SPAG17: variants seen among roughly 807,000 people sequenced by gnomAD.
SPAG17 encodes sperm associated antigen 17, also known as sperm-associated antigen 17.
A neutral mutation model predicts 273.6 loss-of-function variants in SPAG17; 169 were observed. The ratio of observed to expected loss-of-function variants is 0.62; its 90% CI spans 0.55 to 0.70. The LOEUF is 0.70. SPAG17 is among the 30% of genes least tolerant of loss of function. The probability of loss-of-function intolerance (pLI) is 0.00; values close to 1 mark genes in which losing one functional copy is unlikely to be tolerated. For synonymous variants in SPAG17, 825 were observed against 873.2 expected (o/e 0.94, Z 0.97); for missense variants, 2,557 against 2,627.8 (o/e 0.97, Z 0.59).
intron 48 of SPAG17, chr1:117,955,377 A>G: frequency 2.5e-6 from 4 of 1,609,770 alleles, no homozygotes; most frequent in Non-Finnish European, 3.4e-6. Context: ...GTCCTTGCGC[A>G]CAATTTTTGT....
intron 3 of SPAG17, among the ~76,000 whole-genome samples, chr1:118,127,719 C>T (rs562936185): frequency 1.2e-4 from 19 of 152,210 alleles, no homozygotes; most frequent in African/African-American, 4.6e-4. Context: ...AAGATTCATT[C>T]TTCCAATCCA....
At position 118,066,697 on chromosome 1, in the gene SPAG17, C is replaced by A. The variant is rs369711460; in HGVS notation, c.2540+48G>T. Reference sequence around the variant, plus strand: ...CCTAAGTAACTAAGTAACTGGCAAGCTAACTAAACCCAACTAACTAATTAA... The same window carrying A: ...CCTAAGTAACTAAGTAACTGGCAAGATAACTAAACCCAACTAACTAATTAA... On this transcript the variant is annotated intron_variant, in intron 18 of 48. Coordinates refer to ENST00000336338, the MANE Select transcript of SPAG17 (RefSeq NM_206996.4). The A allele has an allele frequency of 2.0e-6, 3 of 1,534,016 alleles. No homozygotes were observed. The Admixed American group carries it at 5.4e-5, about 27-fold the overall frequency.
At chr1:118,145,018 T>C (rs920925644) in intron 3 of SPAG17, among the ~76,000 whole-genome samples, 1 of 152,194 alleles carries the variant, frequency 6.6e-6, no homozygotes, top group Non-Finnish European at 1.5e-5. Context: ...TCTTCCAGAA[T>C]TTTTTTGTTT....
chr1:118,157,008 A>G (rs1271918265), intron 1 of SPAG17, among the ~76,000 whole-genome samples: 1 of 152,104 alleles, frequency 6.6e-6, no homozygotes, highest in Non-Finnish European at 1.5e-5. Context: ...ACCTCTGTTT[A>G]GCGATGTGTT....
chr1:118,171,722 C>T (rs533313679), intron 1 of SPAG17, among the ~76,000 whole-genome samples: 81 of 152,232 alleles, frequency 5.3e-4, no homozygotes, highest in African/African-American at 1.9e-3. Flanking sequence ...ACTTCCTTTA[C>T]TCTAATAATA....
chr1:118,155,344 T>C (rs963868020), intron 1 of SPAG17, among the ~76,000 whole-genome samples: 2 of 152,236 alleles, frequency 1.3e-5, no homozygotes, highest in African/African-American at 4.8e-5. Context: ...TTCTTTCATA[T>C]ATTGCAAATT....
chr1:118,125,255 TATA>T (rs2102282096), intron 3 of SPAG17, among the ~76,000 whole-genome samples: 1 of 151,046 alleles, frequency 6.6e-6, no homozygotes, highest in South Asian at 2.1e-4. Context: ...ATTTTTGACA[TATA>T]ATAATGGTAA....
chr1:118,001,613 T>C (rs909667136), intron 32 of SPAG17, among the ~76,000 whole-genome samples: 3 of 152,186 alleles, frequency 2.0e-5, no homozygotes, highest in Non-Finnish European at 4.4e-5. Context: ...TGCATAGAGG[T>C]GTTTATAGTA....
intron 13 of SPAG17, among the ~76,000 whole-genome samples, chr1:118,084,364 CTCTTT>C (rs1212423747): frequency 2.0e-5 from 3 of 152,142 alleles, no homozygotes; most frequent in African/African-American, 2.4e-5. Flanking sequence ...TATGCACATG[CTCTTT>C]TCTTTTCTAG....
chr1:117,984,548 G>GGTACAGGTTA, intron 41 of SPAG17, 135 bp downstream of exon 41: 1 of 575,310 alleles, frequency 1.7e-6, no homozygotes, highest in South Asian at 2.6e-5. Flanking sequence ...GGATTTGAAG[G>GGTACAGGTTA]GTACAGGTTA....
chr1:118,094,960 T>C lies in SPAG17; in HGVS notation c.1012-1643A>G, dbSNP rs1021673174. ...GGCAACACAGACCTAATTGGCTCTG[T>C]AGAGACCTGAATGTTTTCATTGTTG... On this transcript the variant is annotated intron_variant, in intron 7 of 48. Coordinates refer to ENST00000336338, the MANE Select transcript of SPAG17 (RefSeq NM_206996.4). 3.3e-5 allele frequency among the ~76,000 whole-genome samples: 5 copies of C among 152,198 alleles called. No individual in the cohort carries two copies. In the East Asian group the frequency reaches 9.6e-4, roughly 29 times the overall value.
chr1:118,025,486 A>G, intron 26 of SPAG17, 70 bp from the exon 27 acceptor site: 3 of 1,144,842 alleles, frequency 2.6e-6, no homozygotes, highest in Admixed American at 2.7e-5. Flanking sequence ...ATCTTGCTTA[A>G]TTATTTTCTT....
At chr1:118,178,718 A>T (rs1660806291) in intron 1 of SPAG17, among the ~76,000 whole-genome samples, 1 of 151,986 alleles carries the variant, frequency 6.6e-6, no homozygotes, top group South Asian at 2.1e-4. Flanking sequence ...GTTAGAACTG[A>T]TATATTCAGT....
chr1:118,007,125 T>C (rs764657525), intron 31 of SPAG17, among the ~76,000 whole-genome samples: 31 of 152,204 alleles, frequency 2.0e-4, no homozygotes, highest in Non-Finnish European at 4.4e-4. Context: ...AAAGCTTGTA[T>C]GTTTGGCATC....
At chr1:117,972,223 T>C (rs1321075303) in intron 44 of SPAG17, among the ~76,000 whole-genome samples, 176 bp from the exon 45 acceptor site, 4 of 152,218 alleles carry the variant, frequency 2.6e-5, no homozygotes, top group Non-Finnish European at 5.9e-5. Flanking sequence ...GGCTTTGTTT[T>C]AAGGATAAGG....
chr1:118,021,466 G>T (rs971179252), intron 28 of SPAG17, among the ~76,000 whole-genome samples: 8 of 152,048 alleles, frequency 5.3e-5, no homozygotes, highest in African/African-American at 1.9e-4. Flanking sequence ...GGATTTTTAG[G>T]TTGGCAAAAT....
At chr1:118,035,621 A>T (rs1388337903) in intron 24 of SPAG17, among the ~76,000 whole-genome samples, 2 of 152,184 alleles carry the variant, frequency 1.3e-5, no homozygotes, top group African/African-American at 4.8e-5. Flanking sequence ...AAGAAATAAG[A>T]TTATAATCAT....
In SPAG17 at chr1:118,034,776, G is replaced by A. The variant is rs183330280; in HGVS notation, c.3433+1994C>T. 9.9e-5 allele frequency among the ~76,000 whole-genome samples: 15 copies of A among 152,278 alleles called. 1 individual carries two copies. The highest frequency in any genetic ancestry group is 1.5e-5 in the Non-Finnish European group (1 of 68,012). ...TAGATGGGGTTCGTTGTCATCCAGG[G>A]TTTGGGTAAAGAATGTAAAACATAA... is the stretch of plus-strand genomic sequence containing the variant. On this transcript the variant is annotated intron_variant, in intron 24 of 48. Coordinates refer to ENST00000336338, the MANE Select transcript of SPAG17 (RefSeq NM_206996.4).
At chr1:118,012,532 T>A (rs1196722937) in intron 29 of SPAG17, among the ~76,000 whole-genome samples, 160 bp from the exon 30 acceptor site, 1 of 152,166 alleles carries the variant, frequency 6.6e-6, no homozygotes, top group Admixed American at 6.6e-5. Context: ...TTCATAACAA[T>A]CTTGGCAGGT....
Sources: gnomAD v4.1 joint callset for allele counts (sites outside exome capture counted in the v4.1 genomes callset) on GRCh38, gnomAD v4.1.1 for gene constraint, MANE v1.5 for transcripts, NCBI Gene and HGNC (gene_info 2026-07-23, HGNC 2026-07-21) for gene names.